Variants in RFX3 observed in about 807,000 individuals in gnomAD.
RFX3 encodes regulatory factor X3.
RFX3 carries 14 observed loss-of-function variants against 98.6 expected under a neutral mutation model. The ratio of observed to expected loss-of-function variants is 0.14; its 90% CI spans 0.09 to 0.22. The LOEUF (loss-of-function observed/expected upper bound fraction) is 0.22. RFX3 is among the 10% of genes least tolerant of loss of function. RFX3 has a pLI of 1.00. For missense variants in RFX3, 639 were observed against 926.9 expected, an observed-to-expected ratio of 0.69 and a Z score of 4.03; for synonymous variants, 383 against 328.4, an observed-to-expected ratio of 1.17 and a Z score of -1.80.
At chr9:3,227,884 C>G (rs968187157) in intron 16 of RFX3, among the ~76,000 whole-genome samples, 12 of 152,136 alleles carry the variant, frequency 7.9e-5, no homozygotes, top group Non-Finnish European at 1.3e-4. Context: ...ATATTGCACA[C>G]TTTGGCGAAT....
At chr9:3,294,905 T>C (rs972181221) in intron 5 of RFX3, among the ~76,000 whole-genome samples, 2 of 152,124 alleles carry the variant, frequency 1.3e-5, no homozygotes, top group Non-Finnish European at 2.9e-5. Context: ...TCTTAACATA[T>C]ACAAGGCTGA....
intron 1 of RFX3, among the ~76,000 whole-genome samples, chr9:3,492,961 A>T (rs1036837104): frequency 1.3e-5 from 2 of 152,190 alleles, no homozygotes; most frequent in Non-Finnish European, 2.9e-5. Context: ...GATTCCCCAC[A>T]TCCTATTTAC....
At chr9:3,365,854 GGA>G (rs1047447216) in intron 2 of RFX3, among the ~76,000 whole-genome samples, 4 of 151,882 alleles carry the variant, frequency 2.6e-5, no homozygotes, top group African/African-American at 9.7e-5. Context: ...ACACTAACTA[GGA>G]GAGTTAACAC....
chr9:3,351,960 C>T (rs1184041996), intron 2 of RFX3, among the ~76,000 whole-genome samples: 1 of 151,534 alleles, frequency 6.6e-6, no homozygotes, highest in East Asian at 1.9e-4. Context: ...TGAAGAGTTG[C>T]TGTACAAAAA....
intron 1 of RFX3, among the ~76,000 whole-genome samples, chr9:3,504,328 A>C (rs1461788470): frequency 8.5e-6 from 1 of 117,740 alleles, no homozygotes; most frequent in Non-Finnish European, 1.6e-5. Context: ...TATATATAAA[A>C]TATATATTAT....
chr9:3,329,144 T>C (rs12003162), intron 4 of RFX3, among the ~76,000 whole-genome samples: 9,016 of 152,046 alleles, frequency 0.059, 874 homozygotes, highest in African/African-American at 0.2. Context: ...GTGGCTCACA[T>C]GCCTGTAATC....
At chr9:3,301,433 G>T in intron 5 of RFX3, 113 bp downstream of exon 5, 5 of 662,054 alleles carry the variant, frequency 7.6e-6, no homozygotes, top group Admixed American at 7.0e-5. Flanking sequence ...GGGCTGAGAA[G>T]GGAAGGTTAA....
intron 1 of RFX3, among the ~76,000 whole-genome samples, chr9:3,425,152 G>A (rs1402326052): frequency 6.6e-6 from 1 of 152,182 alleles, no homozygotes; most frequent in African/African-American, 2.4e-5. Flanking sequence ...GTGGGAAGAT[G>A]CGTTAAGTCC....
intron 4 of RFX3, among the ~76,000 whole-genome samples, chr9:3,313,684 T>C (rs1320913430): frequency 6.6e-6 from 1 of 152,150 alleles, no homozygotes; most frequent in African/African-American, 2.4e-5. Flanking sequence ...TTAAATGACC[T>C]GATGGAGCTG....
intron 4 of RFX3, among the ~76,000 whole-genome samples, chr9:3,302,458 G>C (rs568612140): frequency 2.1e-4 from 32 of 151,818 alleles, no homozygotes; most frequent in African/African-American, 6.8e-4. Context: ...AGTATTGCAT[G>C]TTGCATTAAA....
intron 1 of RFX3, among the ~76,000 whole-genome samples, chr9:3,431,463 A>C (rs561925887): frequency 6.6e-6 from 1 of 152,360 alleles, no homozygotes; most frequent in East Asian, 1.9e-4. Context: ...ATGATTTAAA[A>C]AAAAGAAAAG....
chr9:3,522,144 G>A (rs1056609719), intron 1 of RFX3, among the ~76,000 whole-genome samples: 2 of 152,070 alleles, frequency 1.3e-5, no homozygotes, highest in Non-Finnish European at 2.9e-5. Context: ...GTCAACCACT[G>A]GAAGTCCCAA....
At chr9:3,415,063 T>A (rs1285213875) in intron 1 of RFX3, among the ~76,000 whole-genome samples, 6 of 89,314 alleles carry the variant, frequency 6.7e-5, no homozygotes, top group East Asian at 2.9e-4. Context: ...TATATACTCA[T>A]ATATAAGTAT....
At chr9:3,520,204 ATTT>A (rs1185843816) in intron 1 of RFX3, among the ~76,000 whole-genome samples, 1 of 152,234 alleles carries the variant, frequency 6.6e-6, no homozygotes, top group African/African-American at 2.4e-5. Context: ...CAAGACCAGT[ATTT>A]AAACATAGTG....
intron 1 of RFX3, 134 bp from the exon 2 acceptor site, chr9:3,395,730 G>C (rs1056840077): frequency 6.3e-5 from 53 of 841,102 alleles, no homozygotes; most frequent in East Asian, 6.0e-4. Flanking sequence ...ATACTACCAT[G>C]ACAGTCCGTG....
At chr9:3,260,602 T>A (rs1390691545) in intron 13 of RFX3, among the ~76,000 whole-genome samples, 1 of 151,764 alleles carries the variant, frequency 6.6e-6, no homozygotes, top group Non-Finnish European at 1.5e-5. Flanking sequence ...CAACTCTTCT[T>A]AAGAGACTTT....
At chr9:3,306,485 A>T (rs913108530) in intron 4 of RFX3, among the ~76,000 whole-genome samples, 1 of 151,692 alleles carries the variant, frequency 6.6e-6, no homozygotes, top group Admixed American at 6.6e-5. Context: ...TACTGGAAGG[A>T]AGGGAAATTA....
At chr9:3,467,155 A>AT (rs1462313079) in intron 1 of RFX3, among the ~76,000 whole-genome samples, 2 of 141,378 alleles carry the variant, frequency 1.4e-5, no homozygotes, top group Non-Finnish European at 3.0e-5. Flanking sequence ...CATAATATAT[A>AT]TGTATATACG....
chr9:3,471,719 A>C (rs1848794696), intron 1 of RFX3, among the ~76,000 whole-genome samples: 1 of 152,212 alleles, frequency 6.6e-6, no homozygotes, highest in African/African-American at 2.4e-5. Context: ...TCCTCCTTAA[A>C]TCCCAGCAAG....
Sources: gnomAD v4.1 joint callset for allele counts (sites outside exome capture counted in the v4.1 genomes callset) on GRCh38, gnomAD v4.1.1 for gene constraint, MANE v1.5 for transcripts, NCBI Gene and HGNC (gene_info 2026-07-23, HGNC 2026-07-21) for gene names.